Variants in VGLL1 observed in about 807,000 individuals in gnomAD.
The protein encoded by VGLL1 is transcription cofactor vestigial-like protein 1.
VGLL1 carries 4 observed loss-of-function variants against 12.0 expected under a neutral mutation model. The observed-to-expected ratio is 0.33, with a 90% CI of 0.16 to 0.76. VGLL1 has a LOEUF of 0.76. Ranked by LOEUF, VGLL1 falls within the 30% of genes least tolerant of loss-of-function variation. The pLI, the probability that VGLL1 is intolerant of heterozygous loss-of-function variation, is 0.60. For synonymous variants in VGLL1, 87 were observed against 81.2 expected, an observed-to-expected ratio of 1.07 and a Z score of -0.39; for missense variants, 204 against 208.7, an observed-to-expected ratio of 0.98 and a Z score of 0.14.
rs1399654057 is a variant in VGLL1, at chrX:136,548,675, A to T, written c.301A>T (p.Asn101Tyr). The T allele has an allele frequency of 9.1e-6, 11 of 1,212,121 alleles. No individual in the cohort carries two copies. Among genetic ancestry groups the T allele is most frequent in the Non-Finnish European group, 1.2e-5 (11 of 895,592 alleles). ...AGTACCTGTCACAAACCGTGCCGCC[A>T]ACTGCAACTTGCATGTGCCTGGTCC... ...PEVPVTNRAA[N>Y]CNLHVPGPMA... The change falls in exon 3 of 5, where the codon AAC (asparagine) becomes TAC (tyrosine). Residue 101 changes from asparagine to tyrosine, a missense_variant. Coordinates refer to ENST00000370634, the MANE Select transcript of VGLL1 (RefSeq NM_016267.4).
intron 1 of VGLL1, among the ~76,000 whole-genome samples, chrX:136,535,406 T>C (rs1243283819): frequency 8.9e-6 from 1 of 111,911 alleles, no homozygotes; most frequent in African/African-American, 3.3e-5. Flanking sequence ...GATGGTGTTG[T>C]TTGTAATTGC....
At chrX:136,540,714 C>G (rs2075853778) in intron 2 of VGLL1, among the ~76,000 whole-genome samples, 1 of 111,763 alleles carries the variant, frequency 8.9e-6, no homozygotes, top group African/African-American at 3.3e-5. Flanking sequence ...TACCACAATG[C>G]CTGACACATG....
intron 3 of VGLL1, among the ~76,000 whole-genome samples, chrX:136,549,451 G>A (rs1391306652): frequency 2.7e-5 from 3 of 110,871 alleles, no homozygotes; most frequent in Non-Finnish European, 5.7e-5. Context: ...AACAACAAGG[G>A]CAATCTATAC....
chrX:136,556,335 G>A (rs774069523), intron 4 of VGLL1, 116 bp from the exon 5 acceptor site: 1 of 495,645 alleles, frequency 2.0e-6, no homozygotes, highest in East Asian at 3.5e-5. Flanking sequence ...CTTCCTCTGA[G>A]GTTGAGGACT....
At chrX:136,555,816 T>C (rs1169196124) in intron 4 of VGLL1, among the ~76,000 whole-genome samples, 2 of 111,936 alleles carry the variant, frequency 1.8e-5, no homozygotes, top group Non-Finnish European at 3.8e-5. Context: ...AGCCTGATAG[T>C]AGACAAACAT....
chrX:136,547,953 G>C (rs758884331), intron 2 of VGLL1, among the ~76,000 whole-genome samples: 38 of 111,800 alleles, frequency 3.4e-4, no homozygotes, highest in African/African-American at 1.2e-3. Flanking sequence ...ACTTTAAAAA[G>C]CTGGTGTTTG....
In VGLL1 at chrX:136,548,589, A is replaced by C; in HGVS notation, c.215A>C (p.Asp72Ala). Residue 72 changes from aspartate to alanine, a missense_variant and splice_region_variant, in exon 3 of 5, where the codon GAT becomes GCT. Coordinates refer to ENST00000370634, the MANE Select transcript of VGLL1 (RefSeq NM_016267.4). ...SQSEGVMLKN[D>A]DSMSPNQWRY... ...TGTCTTCTAAATCTTTCCTTCTCAG[A>C]TGATAGCATGTCTCCAAATCAGTGG... The C allele has an allele frequency of 3.3e-6, 4 of 1,207,779 alleles. No homozygotes were observed. Among genetic ancestry groups the C allele is most frequent in the Non-Finnish European group, 4.5e-6 (4 of 892,343 alleles).
At chrX:136,549,336 A>G (rs1248502665) in intron 3 of VGLL1, among the ~76,000 whole-genome samples, 2 of 111,534 alleles carry the variant, frequency 1.8e-5, no homozygotes, top group Non-Finnish European at 3.8e-5. Flanking sequence ...CATTGGGAGC[A>G]ATTAAATAAG....
chrX:136,533,792 A>G (rs916054209), intron 1 of VGLL1, among the ~76,000 whole-genome samples: 4 of 111,941 alleles, frequency 3.6e-5, no homozygotes, highest in African/African-American at 1.3e-4. Context: ...AGAAGGGACT[A>G]TTAGACCCAA....
In VGLL1 at chrX:136,550,940, A is replaced by G. The variant is rs377340113; in HGVS notation, c.688+119A>G. 9.0e-5 allele frequency: 55 copies of G among 612,381 alleles called. No homozygotes were observed. In the African/African-American group the frequency reaches 1.2e-3, roughly 13 times the overall value. 50.5% of individuals were successfully genotyped at this position (612,381 alleles called of 1,213,427 possible). A position where few individuals can be genotyped will look rare whatever the true frequency, so the allele number is the denominator to read the frequency against. Reference sequence around the variant, plus strand: ...AGTATAAAACCCAGAGTCTCCAGTAATGGACGGGAGCCTTATTTCTATCAC... The same window carrying G: ...AGTATAAAACCCAGAGTCTCCAGTAGTGGACGGGAGCCTTATTTCTATCAC... On this transcript the variant is annotated intron_variant, in intron 4 of 4. Transcript: ENST00000370634.
In VGLL1 at chrX:136,548,829, C is replaced by A; in HGVS notation, c.455C>A (p.Ala152Asp). The stretch of plus-strand genomic sequence containing the variant: ...CCTGGCTACTCTCATCCCTTCCCCG[C>A]TCGGCACCTGGTTCCAGAGCCCCAG... The part of the protein sequence containing the change: ...LEPGYSHPFP[A>D]RHLVPEPQPD... The change falls in exon 3 of 5, where the codon GCT becomes GAT. Residue 152 changes from alanine (A) to aspartate (D), a missense_variant. Coordinates refer to ENST00000370634, the MANE Select transcript of VGLL1 (RefSeq NM_016267.4). 1 of 1,212,183 alleles carries A rather than the reference C, an allele frequency of 8.2e-7. No homozygotes were observed. Among genetic ancestry groups the A allele is most frequent in the Non-Finnish European group, 1.1e-6 (1 of 895,630 alleles).
intron 2 of VGLL1, among the ~76,000 whole-genome samples, chrX:136,540,747 T>G (rs930181953): frequency 1.8e-5 from 2 of 111,508 alleles, no homozygotes. Flanking sequence ...ACATACGGCT[T>G]GAACGAATGA....
intron 2 of VGLL1, among the ~76,000 whole-genome samples, chrX:136,548,045 G>T (rs982894543): frequency 9.0e-6 from 1 of 110,702 alleles, no homozygotes; most frequent in African/African-American, 3.3e-5. Context: ...CTGTTGCCCA[G>T]GCTGGAGTGA....
chrX:136,538,908 G>A (rs1198344968), intron 2 of VGLL1, among the ~76,000 whole-genome samples: 2 of 109,059 alleles, frequency 1.8e-5, no homozygotes, highest in Non-Finnish European at 3.8e-5. Flanking sequence ...AAAATGGGCA[G>A]GAGGGGGTGG....
Position 136,536,060 on chromosome X carries a change from G to A in VGLL1, c.40G>A (p.Gly14Ser). The A allele has an allele frequency of 8.3e-7, 1 of 1,211,724 alleles. No individual in the cohort carries two copies. The highest frequency in any genetic ancestry group is 1.7e-5 in the African/African-American group (1 of 57,668). The change falls in exon 2 of 5, where the codon GGC becomes AGC. Residue 14 changes from glycine to serine, a missense_variant. Gly to Ser is a moderately conservative substitution (Grantham distance 56). Transcript: ENST00000370634. The stretch of plus-strand genomic sequence containing the variant: ...GAAGACTGCCATCCGGCTGCCCAAA[G>A]GCAAACAGAAGCCTATAAAGACGGA... ...MKKTAIRLPK[G>S]KQKPIKTEWN...
chrX:136,546,528 T>C (rs926079650), intron 2 of VGLL1, among the ~76,000 whole-genome samples: 1 of 112,346 alleles, frequency 8.9e-6, no homozygotes, highest in Non-Finnish European at 1.9e-5. Context: ...ATATAGGACT[T>C]TGGGCTGTGG....
chrX:136,544,835 C>T lies in VGLL1; in HGVS notation c.215-3754C>T, dbSNP rs192299276. Reference sequence around the variant, plus strand: ...ACCAGCCCTGAAGTGCTGCTGCTGCCTCTGCTGCTGTTATGGGCCCCTTGG... The same window carrying T: ...ACCAGCCCTGAAGTGCTGCTGCTGCTTCTGCTGCTGTTATGGGCCCCTTGG... On this transcript the variant is annotated intron_variant, in intron 2 of 4. Transcript: ENST00000370634. Among the ~76,000 whole-genome samples, 389 of 112,050 alleles carry T rather than the reference C, an allele frequency of 3.5e-3. 1 individual carries two copies. Among genetic ancestry groups the T allele is most frequent in the African/African-American group, 0.012 (371 of 30,784 alleles).
chrX:136,546,356 T>C (rs776293330), intron 2 of VGLL1, among the ~76,000 whole-genome samples: 111 of 111,173 alleles, frequency 1.0e-3, no homozygotes, highest in Non-Finnish European at 1.6e-3. Context: ...AAATCCAGGG[T>C]CTCCACTCCA....
chrX:136,551,901 C>T (rs2075887333), intron 4 of VGLL1, among the ~76,000 whole-genome samples: 1 of 110,546 alleles, frequency 9.0e-6, no homozygotes, highest in Non-Finnish European at 1.9e-5. Flanking sequence ...GGCAACATAG[C>T]AAGACCCTCA....
Sources: gnomAD v4.1 joint callset for allele counts (sites outside exome capture counted in the v4.1 genomes callset) on GRCh38, gnomAD v4.1.1 for gene constraint, MANE v1.5 for transcripts, NCBI Gene and HGNC (gene_info 2026-07-23, HGNC 2026-07-21) for gene names.